KDM4C: variants seen among roughly 807,000 people sequenced by gnomAD.
KDM4C encodes the protein lysine-specific demethylase 4C.
A neutral mutation model predicts 129.3 loss-of-function variants in KDM4C; 81 were observed. The ratio of observed to expected loss-of-function variants is 0.63; its 90% CI spans 0.52 to 0.75. The LOEUF (loss-of-function observed/expected upper bound fraction) is 0.75. Among genes scored for constraint, KDM4C ranks in the 30% least tolerant of loss-of-function variants. The probability of loss-of-function intolerance (pLI) is 0.00; values close to 1 mark genes in which losing one functional copy is unlikely to be tolerated. For missense variants in KDM4C, 1,457 were observed against 1,304.0 expected (o/e 1.12, Z -1.81); for synonymous variants, 573 against 456.1 (o/e 1.26, Z -3.26).
chr9:6,767,752 C>T (rs1020964754), intron 1 of KDM4C, among the ~76,000 whole-genome samples: 3 of 152,196 alleles, frequency 2.0e-5, no homozygotes, highest in Non-Finnish European at 4.4e-5. Context: ...ATCTTCTGTG[C>T]TTGGCCATCT....
intron 19 of KDM4C, among the ~76,000 whole-genome samples, chr9:7,141,435 T>A (rs994342720): frequency 6.6e-6 from 1 of 152,168 alleles, no homozygotes; most frequent in Non-Finnish European, 1.5e-5. Flanking sequence ...GTTAGGAGAA[T>A]GTTGCAGTAA....
intron 17 of KDM4C, among the ~76,000 whole-genome samples, chr9:7,066,010 A>T (rs567492677): frequency 1.5e-3 from 223 of 147,584 alleles, no homozygotes; most frequent in African/African-American, 5.4e-3. Flanking sequence ...AAAAAAAAAA[A>T]CTGTAATTGA....
rs573209779 is a variant in KDM4C at position 6,727,587 on chromosome 9, T to A, written c.49+6590T>A. 3.7e-5 allele frequency: 9 copies of A among 241,154 alleles called. 2 individuals are homozygous for A. The highest frequency in any genetic ancestry group is 4.7e-5 in the Non-Finnish European group (8 of 171,522). 14.9% of individuals were successfully genotyped at this position (241,154 alleles called of 1,614,324 possible). The stretch of plus-strand genomic sequence containing the variant: ...CTGGCTAACACGGTGAAACTCAGTC[T>A]CTACTAAAATAAAAAAAAAACTTGT... On this transcript the variant is annotated intron_variant, in intron 1 of 17. Transcript: ENST00000536108.
At chr9:6,990,676 A>G (rs1339563665) in intron 12 of KDM4C, 152 bp downstream of exon 12, 3 of 594,198 alleles carry the variant, frequency 5.0e-6, no homozygotes, top group Non-Finnish European at 9.0e-6. Context: ...TTACAGGTAA[A>G]AGGAATTTGG....
intron 8 of KDM4C, among the ~76,000 whole-genome samples, chr9:6,957,354 A>C (rs999030819): frequency 6.6e-6 from 1 of 152,186 alleles, no homozygotes; most frequent in African/African-American, 2.4e-5. Flanking sequence ...GACTAGTTGC[A>C]AGAAGGAAAG....
chr9:6,924,962 C>T (rs988657451), intron 8 of KDM4C: 11 of 984,948 alleles, frequency 1.1e-5, no homozygotes, highest in African/African-American at 3.5e-5. Flanking sequence ...TTTTAAAACA[C>T]GTTTTGGTAG....
At chr9:7,079,255 C>A (rs994880071) in intron 17 of KDM4C, among the ~76,000 whole-genome samples, 1 of 152,106 alleles carries the variant, frequency 6.6e-6, no homozygotes, top group African/African-American at 2.4e-5. Context: ...GTGCCAAAGG[C>A]CAAAATGAGT....
At chr9:6,771,470 C>A (rs1821831502) in intron 1 of KDM4C, among the ~76,000 whole-genome samples, 1 of 151,720 alleles carries the variant, frequency 6.6e-6, no homozygotes, top group Non-Finnish European at 1.5e-5. Flanking sequence ...CGCCACCATG[C>A]CCTGCTAATT....
At position 6,726,328 on chromosome 9, in the gene KDM4C, C is replaced by T. The variant is rs575646181; in HGVS notation, c.49+5331C>T. Among the ~76,000 whole-genome samples, 12 of 152,320 alleles carry T rather than the reference C, an allele frequency of 7.9e-5. No individual in the cohort carries two copies. The South Asian group carries it at 1.2e-3, about 16-fold the overall frequency. On this transcript the variant is annotated intron_variant, in intron 1 of 17. Transcript: ENST00000536108. ...AGTGTAAATGTTTTGAAGGTTTTCT[C>T]GACTGACTCAATGTGATCAAGAATC...
intron 19 of KDM4C, among the ~76,000 whole-genome samples, chr9:7,151,916 A>G (rs77821421): frequency 0.012 from 1,850 of 152,332 alleles, 45 homozygotes; most frequent in African/African-American, 0.041. Context: ...CGCAGTCAGA[A>G]GAAGGGGCAC....
chr9:6,780,844 T>G (rs1824188750), intron 1 of KDM4C, among the ~76,000 whole-genome samples: 2 of 148,682 alleles, frequency 1.3e-5, no homozygotes, highest in Non-Finnish European at 3.0e-5. Context: ...ATTTCAGCTC[T>G]CCAGAATGCA....
intron 4 of KDM4C, among the ~76,000 whole-genome samples, chr9:6,847,933 A>G (rs1838152710): frequency 1.3e-5 from 2 of 152,254 alleles, no homozygotes; most frequent in Admixed American, 1.3e-4. Flanking sequence ...GACCAAAATG[A>G]AAACAGAACA....
chr9:7,130,051 C>T (rs190950188), intron 19 of KDM4C, among the ~76,000 whole-genome samples: 1 of 152,274 alleles, frequency 6.6e-6, no homozygotes, highest in East Asian at 1.9e-4. Context: ...GCAAGAGAGG[C>T]ATGAAAAGCC....
At chr9:7,033,054 T>A (rs1431537197) in intron 15 of KDM4C, among the ~76,000 whole-genome samples, 5 of 152,134 alleles carry the variant, frequency 3.3e-5, no homozygotes, top group Non-Finnish European at 5.9e-5. Flanking sequence ...GCTTTGTAGA[T>A]CAGAGCGATT....
chr9:6,918,268 T>C (rs923952945), intron 8 of KDM4C, among the ~76,000 whole-genome samples: 6 of 152,194 alleles, frequency 3.9e-5, no homozygotes, highest in Non-Finnish European at 5.9e-5. Context: ...TGAGAACATG[T>C]GGTATTTGGT....
chr9:6,952,430 T>TATATAA lies in KDM4C; in HGVS notation c.922-28494_922-28493insTATAAA, dbSNP rs1491195416. On this transcript the variant is annotated intron_variant, in intron 8 of 21. Transcript: ENST00000381309. The stretch of plus-strand genomic sequence containing the variant: ...ATGTGTGTATATATATATATATATA[T>TATATAA]AATAATAATTATTATTATATGTTTT... Among the ~76,000 whole-genome samples the TATATAA allele has an allele frequency of 5.4e-3, 751 of 138,702 alleles. 14 individuals are homozygous for TATATAA. Among genetic ancestry groups the TATATAA allele is most frequent in the African/African-American group, 0.02 (732 of 37,142 alleles). 91.0% of individuals were successfully genotyped at this position (138,702 alleles called of 152,430 possible).
At chr9:7,111,057 C>T (rs1019360092) in intron 18 of KDM4C, among the ~76,000 whole-genome samples, 4 of 152,076 alleles carry the variant, frequency 2.6e-5, no homozygotes, top group South Asian at 2.1e-4. Context: ...CTTCTCCATC[C>T]GACTTCATTC....
chr9:7,041,940 C>G (rs1280625272), intron 15 of KDM4C, among the ~76,000 whole-genome samples: 3 of 152,010 alleles, frequency 2.0e-5, no homozygotes, highest in Admixed American at 6.6e-5. Context: ...TTTCTTTTCT[C>G]TCCACTTCTA....
chr9:6,850,673 C>T (rs1231345861), intron 5 of KDM4C, among the ~76,000 whole-genome samples: 1 of 152,126 alleles, frequency 6.6e-6, no homozygotes, highest in Admixed American at 6.6e-5. Flanking sequence ...CTCAGGCAGT[C>T]TGCCCACCTT....
Sources: allele counts gnomAD v4.1 joint callset (sites outside exome capture counted in the v4.1 genomes callset), GRCh38; gene constraint gnomAD v4.1.1; transcripts MANE v1.5; gene names NCBI Gene and HGNC (gene_info 2026-07-23, HGNC 2026-07-21).